NT5DC1: variants seen among roughly 807,000 people sequenced by gnomAD.
The protein encoded by NT5DC1 is 5'-nucleotidase domain-containing protein 1.
A neutral mutation model predicts 59.4 loss-of-function variants in NT5DC1; 42 were observed. That is an observed-to-expected ratio of 0.71 (90% CI 0.55 to 0.92). The LOEUF (loss-of-function observed/expected upper bound fraction) is 0.92, where lower values mean the gene tolerates loss of function less well. NT5DC1 is among the 40% of genes least tolerant of loss of function. The pLI is 0.00. For synonymous variants in NT5DC1, 172 were observed against 188.1 expected (o/e 0.91, Z 0.70); for missense variants, 501 against 537.1 (o/e 0.93, Z 0.66).
At chr6:116,225,865 G>A (rs965612839) in intron 8 of NT5DC1, among the ~76,000 whole-genome samples, 2 of 152,156 alleles carry the variant, frequency 1.3e-5, no homozygotes, top group Non-Finnish European at 2.9e-5. Context: ...GGTTTTCAAC[G>A]GTGGCAGTTT....
At chr6:116,236,675 C>G (rs1210756913) in intron 8 of NT5DC1, among the ~76,000 whole-genome samples, 2 of 152,142 alleles carry the variant, frequency 1.3e-5, no homozygotes, top group East Asian at 3.8e-4. Flanking sequence ...CAAGCAGAGG[C>G]ATGATGTCAA....
chr6:116,120,199 A>G, intron 6 of NT5DC1: 2 of 1,614,040 alleles, frequency 1.2e-6, no homozygotes, highest in Non-Finnish European at 1.7e-6. Context: ...CGATGATGGC[A>G]CTCCCTGAAG....
At chr6:116,193,716 C>T (rs1582865899) in intron 6 of NT5DC1, among the ~76,000 whole-genome samples, 1 of 151,866 alleles carries the variant, frequency 6.6e-6, no homozygotes, top group East Asian at 1.9e-4. Flanking sequence ...CTGTAATAAA[C>T]CTTGAATCTT....
chr6:116,200,450 A>G (rs1238015928), intron 6 of NT5DC1, among the ~76,000 whole-genome samples: 1 of 152,074 alleles, frequency 6.6e-6, no homozygotes, highest in African/African-American at 2.4e-5. Context: ...CAAATGTACC[A>G]TAATATTGAA....
intron 6 of NT5DC1, among the ~76,000 whole-genome samples, chr6:116,200,278 C>T (rs973265332): frequency 6.6e-5 from 10 of 151,910 alleles, no homozygotes; most frequent in Admixed American, 5.9e-4. Context: ...AACTATGTCA[C>T]GGTCAAGAGT....
In NT5DC1 at chr6:116,165,996, C is replaced by G. The variant is rs115411414; in HGVS notation, c.529+48051C>G. On this transcript the variant is annotated intron_variant, in intron 6 of 11. Coordinates refer to ENST00000319550, the MANE Select transcript of NT5DC1 (RefSeq NM_152729.3). ...CTGCACAAACTAGCCACTCTGTGCTCTGTCCCCAGGAAGATCCTAAATCCG... is the reference window on the plus strand; with the variant it reads ...CTGCACAAACTAGCCACTCTGTGCTGTGTCCCCAGGAAGATCCTAAATCCG... Among the ~76,000 whole-genome samples the G allele has an allele frequency of 9.3e-3, 1,412 of 152,316 alleles. 17 individuals carry two copies. The highest frequency in any genetic ancestry group is 0.031 in the African/African-American group (1,303 of 41,568).
chr6:116,240,282 A>G (rs534177142), intron 11 of NT5DC1, among the ~76,000 whole-genome samples: 2 of 152,364 alleles, frequency 1.3e-5, no homozygotes, highest in South Asian at 4.1e-4. Flanking sequence ...GTGGATAAAA[A>G]TTATTCAGAG....
At chr6:116,137,062 G>T (rs1779625779) in intron 6 of NT5DC1, 1 of 206,914 alleles carries the variant, frequency 4.8e-6, no homozygotes, top group Non-Finnish European at 1.1e-5. Context: ...TTCATTTTAA[G>T]TCACCGTCTC....
intron 2 of NT5DC1, among the ~76,000 whole-genome samples, chr6:116,106,834 G>A (rs751632592): frequency 4.6e-5 from 7 of 152,098 alleles, no homozygotes; most frequent in South Asian, 2.1e-4. Flanking sequence ...CCAAAGCTTC[G>A]TTTGTCTTCC....
chr6:116,149,561 T>C (rs923563679), intron 6 of NT5DC1, among the ~76,000 whole-genome samples: 3 of 152,204 alleles, frequency 2.0e-5, no homozygotes, highest in African/African-American at 7.2e-5. Flanking sequence ...TACATAATGC[T>C]TTTAACAAAG....
intron 6 of NT5DC1, among the ~76,000 whole-genome samples, chr6:116,147,861 A>G (rs1779937481): frequency 6.6e-6 from 1 of 152,088 alleles, no homozygotes; most frequent in Admixed American, 6.6e-5. Context: ...AACTAGCTAC[A>G]TTAGCAGTCA....
At chr6:116,221,975 C>A (rs894374951) in intron 7 of NT5DC1, among the ~76,000 whole-genome samples, 1 of 152,136 alleles carries the variant, frequency 6.6e-6, no homozygotes, top group African/African-American at 2.4e-5. Flanking sequence ...ATTAGGTCTC[C>A]CCTAATGTTT....
intron 6 of NT5DC1, among the ~76,000 whole-genome samples, chr6:116,132,559 G>A (rs1306870634): frequency 1.3e-5 from 2 of 151,826 alleles, no homozygotes; most frequent in Non-Finnish European, 2.9e-5. Flanking sequence ...CAGCTGTAAG[G>A]GGCAGGAAAG....
At chr6:116,122,659 T>C (rs1779166998) in intron 6 of NT5DC1, among the ~76,000 whole-genome samples, 1 of 152,222 alleles carries the variant, frequency 6.6e-6, no homozygotes, top group Non-Finnish European at 1.5e-5. Context: ...CTAAAAATCA[T>C]AGTGCCTGTG....
intron 7 of NT5DC1, among the ~76,000 whole-genome samples, chr6:116,222,209 A>G (rs535128533): frequency 6.6e-6 from 1 of 152,310 alleles, no homozygotes; most frequent in African/African-American, 2.4e-5. Flanking sequence ...ATTAAGGCTA[A>G]AGTCCTGGAT....
chr6:116,130,943 A>G (rs1779443220), intron 6 of NT5DC1, among the ~76,000 whole-genome samples: 1 of 152,188 alleles, frequency 6.6e-6, no homozygotes, highest in Non-Finnish European at 1.5e-5. Context: ...GAGCTGCATT[A>G]CTGTGCTGTA....
At chr6:116,176,216 T>G (rs1780731872) in intron 6 of NT5DC1, among the ~76,000 whole-genome samples, 1 of 152,212 alleles carries the variant, frequency 6.6e-6, no homozygotes, top group Non-Finnish European at 1.5e-5. Context: ...GATGCTGTGC[T>G]GGCTAAGTTT....
Position 116,116,365 on chromosome 6 carries a change from C to T in NT5DC1, c.444+595C>T, listed in dbSNP as rs192262236. Among the ~76,000 whole-genome samples, 399 of 152,146 alleles carry T rather than the reference C, an allele frequency of 2.6e-3. 10 individuals are homozygous for T. The South Asian group carries it at 0.044, about 17-fold the overall frequency. On this transcript the variant is annotated intron_variant, in intron 5 of 11. Transcript: ENST00000319550. ...TTTTAAAAATAACTACTTTTGGGGC[C>T]AGGTGCAGTGGCTTACGCCTGTAAT...
At chr6:116,229,664 G>A (rs1180862030) in intron 8 of NT5DC1, among the ~76,000 whole-genome samples, 1 of 152,132 alleles carries the variant, frequency 6.6e-6, no homozygotes, top group Non-Finnish European at 1.5e-5. Flanking sequence ...TCTCTGACTT[G>A]CAAGATTAAA....
Sources: gnomAD v4.1 joint callset for allele counts (sites outside exome capture counted in the v4.1 genomes callset) on GRCh38, gnomAD v4.1.1 for gene constraint, MANE v1.5 for transcripts, NCBI Gene and HGNC (gene_info 2026-07-23, HGNC 2026-07-21) for gene names.